The following ZNF804A variants were observed in gnomAD, a reference collection of about 807,000 sequenced individuals.
ZNF804A encodes the protein zinc finger protein 804A.
ZNF804A carries 2 observed loss-of-function variants against 16.5 expected under a neutral mutation model. The ratio of observed to expected loss-of-function variants is 0.12; its 90% CI spans 0.05 to 0.38. The LOEUF (loss-of-function observed/expected upper bound fraction) is 0.38. Ranked by LOEUF, ZNF804A falls within the 10% of genes least tolerant of loss-of-function variation. The pLI is 0.99. For missense variants in ZNF804A, 1,473 were observed against 1,390.7 expected, an observed-to-expected ratio of 1.06 and a Z score of -0.94; for synonymous variants, 534 against 489.6, an observed-to-expected ratio of 1.09 and a Z score of -1.20.
At chr2:184,876,349 A>G (rs565456833) in intron 2 of ZNF804A, among the ~76,000 whole-genome samples, 125 of 152,224 alleles carry the variant, frequency 8.2e-4, no homozygotes, top group African/African-American at 2.9e-3. Flanking sequence ...TGGCAAGGTA[A>G]TGCGCAATAC....
chr2:184,756,220 C>A (rs1261238271), intron 1 of ZNF804A, among the ~76,000 whole-genome samples: 1 of 151,492 alleles, frequency 6.6e-6, no homozygotes, highest in East Asian at 2.0e-4. Flanking sequence ...TTAAAAGGGA[C>A]TTTATTGAAT....
rs147111251 is a variant in ZNF804A, at chr2:184,835,277, A to C, written c.112-31092A>C. On this transcript the variant is annotated intron_variant, in intron 1 of 3. Coordinates refer to ENST00000302277, the MANE Select transcript of ZNF804A (RefSeq NM_194250.2). ...GCAGAGGTACTGGTCCTTGCAGACC[A>C]GGGCTATCCCATTGGCAGTGTGCCC... Among the ~76,000 whole-genome samples the C allele has an allele frequency of 1.2e-4, 18 of 152,310 alleles. No homozygotes were observed. In the East Asian group the frequency reaches 3.3e-3, roughly 28 times the overall value.
At chr2:184,910,324 A>G (rs1685335841) in intron 2 of ZNF804A, among the ~76,000 whole-genome samples, 1 of 151,940 alleles carries the variant, frequency 6.6e-6, no homozygotes, top group Non-Finnish European at 1.5e-5. Flanking sequence ...TTATGGCTGT[A>G]TAGTATTCCA....
intron 1 of ZNF804A, among the ~76,000 whole-genome samples, chr2:184,601,379 T>C (rs1333943649): frequency 3.9e-5 from 6 of 152,018 alleles, no homozygotes; most frequent in Admixed American, 2.0e-4. Context: ...AGCACTTACA[T>C]ATATGCTAAA....
intron 2 of ZNF804A, among the ~76,000 whole-genome samples, chr2:184,890,563 T>C (rs891232578): frequency 1.3e-5 from 2 of 152,052 alleles, no homozygotes; most frequent in African/African-American, 4.8e-5. Context: ...TTAACCCTGG[T>C]TGTATAGGAA....
intron 2 of ZNF804A, among the ~76,000 whole-genome samples, chr2:184,890,923 T>C (rs1684970934): frequency 6.6e-6 from 1 of 151,812 alleles, no homozygotes; most frequent in Non-Finnish European, 1.5e-5. Flanking sequence ...ATCTATGTTA[T>C]TCATATATTA....
At chr2:184,892,312 A>T (rs1684997438) in intron 2 of ZNF804A, among the ~76,000 whole-genome samples, 1 of 152,120 alleles carries the variant, frequency 6.6e-6, no homozygotes, top group Non-Finnish European at 1.5e-5. Flanking sequence ...AGCGGAGCCC[A>T]GCCCCATGGT....
At chr2:184,881,817 A>G (rs1220607309) in intron 2 of ZNF804A, among the ~76,000 whole-genome samples, 1 of 152,044 alleles carries the variant, frequency 6.6e-6, no homozygotes, top group African/African-American at 2.4e-5. Context: ...AGGAAACACT[A>G]TTATTAGCCA....
At chr2:184,905,259 C>G (rs1461774090) in intron 2 of ZNF804A, among the ~76,000 whole-genome samples, 2 of 152,090 alleles carry the variant, frequency 1.3e-5, no homozygotes, top group Non-Finnish European at 2.9e-5. Context: ...CTTTTAACTT[C>G]TTGTAAGCTT....
At chr2:184,780,246 C>CAAAA (rs1426329435) in intron 1 of ZNF804A, among the ~76,000 whole-genome samples, 4 of 151,512 alleles carry the variant, frequency 2.6e-5, no homozygotes, top group Non-Finnish European at 1.5e-5. Context: ...ATGTTGATGT[C>CAAAA]AAACAAACAA....
intron 1 of ZNF804A, among the ~76,000 whole-genome samples, chr2:184,615,697 T>C (rs557898898): frequency 1.3e-5 from 2 of 152,182 alleles, no homozygotes; most frequent in Admixed American, 1.3e-4. Flanking sequence ...AGCCCAATAA[T>C]AGGCAGTGAT....
intron 1 of ZNF804A, among the ~76,000 whole-genome samples, chr2:184,763,630 CTTTTTTTTTTTT>C (rs1188087789): frequency 2.8e-4 from 6 of 21,256 alleles, no homozygotes; most frequent in Admixed American, 9.9e-4. Flanking sequence ...CTTCAAAGTG[CTTTTTTTTTTTT>C]TTTTTTTTTT....
Position 184,661,147 on chromosome 2 carries a change from G to A in ZNF804A, c.111+62077G>A, listed in dbSNP as rs139516782. Among the ~76,000 whole-genome samples the A allele has an allele frequency of 4.2e-3, 647 of 152,272 alleles. 5 individuals are homozygous for A. Among genetic ancestry groups the A allele is most frequent in the African/African-American group, 0.015 (615 of 41,540 alleles). Reference sequence around the variant, plus strand: ...AGAAATGTATAGTATTTGTGGTTCAGCAGGTGGGAGGGAATGGCGTCCAGT... The same window carrying A: ...AGAAATGTATAGTATTTGTGGTTCAACAGGTGGGAGGGAATGGCGTCCAGT... On this transcript the variant is annotated intron_variant, in intron 1 of 3. Transcript: ENST00000302277.
intron 1 of ZNF804A, among the ~76,000 whole-genome samples, chr2:184,622,491 A>G (rs2105680831): frequency 6.6e-6 from 1 of 151,912 alleles, no homozygotes; most frequent in Non-Finnish European, 1.5e-5. Context: ...TATTAATATA[A>G]TATTTTACAT....
intron 1 of ZNF804A, among the ~76,000 whole-genome samples, chr2:184,782,759 C>A (rs1694391285): frequency 6.9e-6 from 1 of 145,714 alleles, no homozygotes; most frequent in African/African-American, 2.5e-5. Context: ...TACAGTTTTC[C>A]AGTAAGGATT....
intron 1 of ZNF804A, among the ~76,000 whole-genome samples, chr2:184,680,698 G>A (rs1042786849): frequency 2.6e-5 from 4 of 152,252 alleles, no homozygotes; most frequent in Non-Finnish European, 5.9e-5. Flanking sequence ...CATTATTCCT[G>A]GATGTGGGAC....
At chr2:184,801,119 CA>C (rs1694719262) in intron 1 of ZNF804A, among the ~76,000 whole-genome samples, 1 of 152,132 alleles carries the variant, frequency 6.6e-6, no homozygotes, top group African/African-American at 2.4e-5. Flanking sequence ...TTTGTTTCAA[CA>C]CGTCAAATAT....
At chr2:184,908,905 C>T (rs1685318735) in intron 2 of ZNF804A, among the ~76,000 whole-genome samples, 1 of 152,080 alleles carries the variant, frequency 6.6e-6, no homozygotes, top group African/African-American at 2.4e-5. Context: ...GCACTGGAGT[C>T]CTAAAAATAA....
chr2:184,737,869 A>G (rs1292752809), intron 1 of ZNF804A, among the ~76,000 whole-genome samples: 1 of 152,196 alleles, frequency 6.6e-6, no homozygotes, highest in Non-Finnish European at 1.5e-5. Flanking sequence ...TACGCTTATA[A>G]TCCCAGCACT....
Sources: allele counts gnomAD v4.1 joint callset (sites outside exome capture counted in the v4.1 genomes callset), GRCh38; gene constraint gnomAD v4.1.1; transcripts MANE v1.5; gene names NCBI Gene and HGNC (gene_info 2026-07-23, HGNC 2026-07-21).